The following LRP1B variants were observed in gnomAD, a reference collection of about 807,000 sequenced individuals.
LRP1B encodes LDL receptor related protein 1B.
In LRP1B, 217 loss-of-function variants were observed where a neutral mutation model predicts 556.6. The observed-to-expected ratio is 0.39, with a 90% CI of 0.35 to 0.44. The LOEUF (loss-of-function observed/expected upper bound fraction) is 0.44. Ranked by LOEUF, LRP1B falls within the 20% of genes least tolerant of loss-of-function variation. The pLI, the probability that LRP1B is intolerant of heterozygous loss-of-function variation, is 1.00. For synonymous variants in LRP1B, 2,047 were observed against 1,865.8 expected (o/e 1.10, Z -2.50); for missense variants, 5,053 against 5,620.8 (o/e 0.90, Z 3.23).
At chr2:140,337,036 T>C (rs185259197) in intron 77 of LRP1B, among the ~76,000 whole-genome samples, 1 of 151,994 alleles carries the variant, frequency 6.6e-6, no homozygotes, top group Non-Finnish European at 1.5e-5. Flanking sequence ...TCTTCTTGTG[T>C]GGGTTCGGAG....
At chr2:141,374,768 A>T (rs2105600168) in intron 3 of LRP1B, among the ~76,000 whole-genome samples, 1 of 152,216 alleles carries the variant, frequency 6.6e-6, no homozygotes, top group Admixed American at 6.5e-5. Flanking sequence ...CATATCCTGA[A>T]TTGATTTTCT....
chr2:140,885,603 G>A (rs1402520672), intron 24 of LRP1B, among the ~76,000 whole-genome samples: 8 of 151,562 alleles, frequency 5.3e-5, no homozygotes, highest in Non-Finnish European at 8.8e-5. Context: ...TGCCTGCCTC[G>A]GCCTCCCAAT....
intron 56 of LRP1B, among the ~76,000 whole-genome samples, chr2:140,495,263 C>T (rs903321434): frequency 1.3e-5 from 2 of 151,036 alleles, no homozygotes; most frequent in Admixed American, 1.3e-4. Context: ...TTTAGCCAAA[C>T]TTGCTCCCAA....
Position 141,086,641 on chromosome 2 carries a change from T to A in LRP1B, c.1014-24368A>T, listed in dbSNP as rs1700054383. 3.9e-5 allele frequency among the ~76,000 whole-genome samples: 6 copies of A among 151,920 alleles called. 1 individual carries two copies. The South Asian group carries it at 1.3e-3, about 32-fold the overall frequency. On this transcript the variant is annotated intron_variant, in intron 7 of 90. Transcript: ENST00000389484. ...ATTTGTGTGTGTGTGTGTGTGTGTG[T>A]GTGTGTGTGTGTGTGTGTCAGTCAA...
At chr2:141,036,710 TG>T (rs1698542977) in intron 11 of LRP1B, among the ~76,000 whole-genome samples, 1 of 152,072 alleles carries the variant, frequency 6.6e-6, no homozygotes. Context: ...GCAATGCTAG[TG>T]TATTGCTTGG....
intron 1 of LRP1B, among the ~76,000 whole-genome samples, chr2:141,988,859 C>G (rs1016450731): frequency 2.0e-5 from 3 of 151,982 alleles, no homozygotes; most frequent in Non-Finnish European, 2.9e-5. Flanking sequence ...CACTTTAGAG[C>G]ATTTTCTCAT....
intron 3 of LRP1B, among the ~76,000 whole-genome samples, chr2:141,441,382 C>G (rs1166741042): frequency 6.6e-6 from 1 of 152,090 alleles, no homozygotes; most frequent in Non-Finnish European, 1.5e-5. Context: ...CTGGCCAGCC[C>G]TGGGTTTTAT....
chr2:141,530,637 G>T (rs1296525929), intron 2 of LRP1B, among the ~76,000 whole-genome samples: 1 of 151,834 alleles, frequency 6.6e-6, no homozygotes, highest in Non-Finnish European at 1.5e-5. Flanking sequence ...ATAAAACAAA[G>T]AATAACATAG....
chr2:140,707,102 C>T (rs989776958), intron 37 of LRP1B, among the ~76,000 whole-genome samples: 1 of 152,106 alleles, frequency 6.6e-6, no homozygotes, highest in African/African-American at 2.4e-5. Context: ...TTAAAATTCT[C>T]TTCTTTGATT....
intron 2 of LRP1B, among the ~76,000 whole-genome samples, chr2:141,543,748 C>A (rs960248222): frequency 1.8e-4 from 27 of 147,688 alleles, no homozygotes; most frequent in Non-Finnish European, 2.9e-4. Context: ...AAAAAAAAAA[C>A]AAATACACAG....
rs570128346 is a variant in LRP1B, at chr2:141,354,450, C to T, written c.344-99809G>A. On this transcript the variant is annotated intron_variant, in intron 3 of 90. Transcript: ENST00000389484. ...TTTATACCAAAAGCTTTATTTTATG[C>T]AAAGAATGAAGAGTAAAAGAATTGT... Among the ~76,000 whole-genome samples the T allele has an allele frequency of 7.9e-5, 12 of 151,990 alleles. No individual in the cohort carries two copies. In the East Asian group the frequency reaches 2.3e-3, roughly 29 times the overall value.
rs559629076 is a variant in LRP1B, at chr2:141,205,859, C to T, written c.851-17276G>A. Among the ~76,000 whole-genome samples the T allele has an allele frequency of 4.6e-5, 7 of 152,146 alleles. No homozygotes were observed. The South Asian group carries it at 1.5e-3, about 32-fold the overall frequency. Reference sequence around the variant, plus strand: ...AGAAAAAGATCATTTATTTTAAAAACCTGCATTTGTATGTCAGCAGAATTC... The same window carrying T: ...AGAAAAAGATCATTTATTTTAAAAATCTGCATTTGTATGTCAGCAGAATTC... On this transcript the variant is annotated intron_variant, in intron 6 of 90. Coordinates refer to ENST00000389484, the MANE Select transcript of LRP1B (RefSeq NM_018557.3).
chr2:141,238,169 T>C (rs369176129), intron 5 of LRP1B, among the ~76,000 whole-genome samples: 17 of 152,144 alleles, frequency 1.1e-4, no homozygotes, highest in African/African-American at 3.9e-4. Flanking sequence ...CCAGTGATGG[T>C]CAGTTTATAT....
At chr2:140,610,106 G>A (rs987463926) in intron 41 of LRP1B, among the ~76,000 whole-genome samples, 21 of 150,916 alleles carry the variant, frequency 1.4e-4, no homozygotes, top group African/African-American at 3.9e-4. Flanking sequence ...CGGGTCTGAC[G>A]TTCCTTTGTC....
intron 3 of LRP1B, among the ~76,000 whole-genome samples, chr2:141,254,925 GA>G (rs1416162536): frequency 6.6e-6 from 1 of 151,974 alleles, no homozygotes; most frequent in Non-Finnish European, 1.5e-5. Context: ...ATTTCAAGAG[GA>G]AAGATGTCAA....
chr2:140,969,951 T>C (rs940425193), intron 18 of LRP1B, among the ~76,000 whole-genome samples: 1 of 152,214 alleles, frequency 6.6e-6, no homozygotes, highest in Non-Finnish European at 1.5e-5. Flanking sequence ...TGGCCGCCCT[T>C]AACATTTTTT....
At chr2:140,557,349 T>C (rs77124265) in intron 43 of LRP1B, among the ~76,000 whole-genome samples, 2,553 of 152,282 alleles carry the variant, frequency 0.017, 75 homozygotes, top group African/African-American at 0.058. Flanking sequence ...CTTTAGAAAC[T>C]TGTCTCAATT....
chr2:141,654,867 G>A (rs1047651049), intron 2 of LRP1B, among the ~76,000 whole-genome samples: 11 of 152,172 alleles, frequency 7.2e-5, no homozygotes, highest in Middle Eastern at 6.8e-3. Context: ...CTCAGTCTGC[G>A]AGCGATATTT....
At chr2:141,081,556 C>T (rs1247803231) in intron 7 of LRP1B, among the ~76,000 whole-genome samples, 1 of 152,086 alleles carries the variant, frequency 6.6e-6, no homozygotes, top group African/African-American at 2.4e-5. Flanking sequence ...TTTATATATA[C>T]AGGTTTCAAG....
Sources: gnomAD v4.1 joint callset for allele counts (sites outside exome capture counted in the v4.1 genomes callset) on GRCh38, gnomAD v4.1.1 for gene constraint, MANE v1.5 for transcripts, NCBI Gene and HGNC (gene_info 2026-07-23, HGNC 2026-07-21) for gene names.